The following AHCY variants were observed in gnomAD, a reference collection of about 807,000 sequenced individuals.
AHCY encodes the protein S-adenosyl-L-homocysteine hydrolase.
AHCY carries 24 observed loss-of-function variants against 45.4 expected under a neutral mutation model. That is an observed-to-expected ratio of 0.53 (90% CI 0.38 to 0.74). The LOEUF (loss-of-function observed/expected upper bound fraction) is 0.74. Ranked by LOEUF, AHCY falls within the 30% of genes least tolerant of loss-of-function variation. The pLI is 0.00. For synonymous variants in AHCY, 245 were observed against 235.1 expected, an observed-to-expected ratio of 1.04 and a Z score of -0.39; for missense variants, 449 against 594.1, an observed-to-expected ratio of 0.76 and a Z score of 2.54.
chr20:34,261,139 T>C, the AHCY span, among the ~76,000 whole-genome samples: 1 of 152,354 alleles, frequency 6.6e-6, no homozygotes, highest in East Asian at 1.9e-4. Context: ...CAAAATCAGG[T>C]ACTTAACTCC....
In AHCY at chr20:34,295,555, T is replaced by C. The variant is rs2036551377; in HGVS notation, c.59A>G (p.Lys20Arg). The change falls in exon 2 of 10, where the codon AAG (lysine) becomes AGG (arginine). Residue 20 changes from lysine (K) to arginine (R), a missense_variant. Physicochemically the swap from Lys to Arg is conservative, Grantham distance 26. Coordinates refer to ENST00000217426, the MANE Select transcript of AHCY (RefSeq NM_000687.4). ...ADIGLAAWGR[K>R]ALDIAENEMP... is the part of the protein sequence containing the mutation. ...CTCGTTCTCAGCAATGTCCAGGGCC[T>C]TGCGTCCCCAGGCAGCCAGGCCGAT... 1 of 1,613,980 alleles carries C rather than the reference T, an allele frequency of 6.2e-7. No individual in the cohort carries two copies. Among genetic ancestry groups the C allele is most frequent in the Non-Finnish European group, 8.5e-7 (1 of 1,180,012 alleles).
chr20:34,257,076 T>TTTTTTTGTTTTTTG, the AHCY span, among the ~76,000 whole-genome samples: 37 of 151,228 alleles, frequency 2.4e-4, no homozygotes, highest in Middle Eastern at 3.4e-3. Context: ...TTCTCTTTTT[T>TTTTTTTGTTTTTTG]TTTTTTGTTT....
At chr20:34,303,852 C>T (rs1289734393), upstream of AHCY, among the ~76,000 whole-genome samples, 4 of 152,194 alleles carry the variant, frequency 2.6e-5, no homozygotes, top group South Asian at 2.1e-4. Flanking sequence ...AAAAATTAGC[C>T]GGGCGTGGTG....
Position 34,290,469 on chromosome 20 carries a change from C to A in AHCY, c.855-20G>T. On this transcript the variant is annotated intron_variant, in intron 7 of 9. Transcript: ENST00000217426. This position sits in a 1 kb window ranked among gnomAD's most constrained non-coding sequence, Gnocchi z 4.5. ...AAGTGCCTGTCAGGCAGCCCAAGAC[C>A]GTGGGAGATTGTCAGGGACAGAAAG... 6.2e-7 allele frequency: 1 copy of A among 1,613,902 alleles called. No homozygotes were observed.
chr20:34,302,527 C>G, intron 1 of AHCY: 1 of 828,662 alleles, frequency 1.2e-6, no homozygotes. Context: ...GAACAGTTTC[C>G]CTATAGAGCC....
At chr20:34,269,127 G>A in the AHCY span, 1 of 1,554,978 alleles carries the variant, frequency 6.4e-7, no homozygotes, top group East Asian at 2.4e-5. Context: ...CGCTTCTTCC[G>A]CAGCGCCTGC....
At chr20:34,233,155 T>C in the AHCY span, among the ~76,000 whole-genome samples, 1 of 148,824 alleles carries the variant, frequency 6.7e-6, no homozygotes, top group Non-Finnish European at 1.5e-5. Context: ...TTTTTTTTTT[T>C]TTTTTTTTTT....
At chr20:34,281,653 A>G (rs1375415606) in intron 9 of AHCY, 1 of 212,694 alleles carries the variant, frequency 4.7e-6, no homozygotes, top group East Asian at 1.1e-4. Flanking sequence ...CTAGGTTTCC[A>G]GTGTTTGGAT....
At chr20:34,311,040 C>T (rs1052718474) in intron 1 of AHCY, among the ~76,000 whole-genome samples, 2 of 151,720 alleles carry the variant, frequency 1.3e-5, no homozygotes, top group Admixed American at 6.6e-5. Context: ...GCAGGAGAAT[C>T]GCTTGAGCCC....
At chr20:34,247,598 A>AC in the AHCY span, among the ~76,000 whole-genome samples, 1 of 151,388 alleles carries the variant, frequency 6.6e-6, no homozygotes, top group Admixed American at 6.6e-5. Context: ...TACCCTGCTG[A>AC]TGCTTTTTCT....
intron 8 of AHCY, among the ~76,000 whole-genome samples, chr20:34,286,960 G>A (rs1412665969): frequency 5.3e-5 from 8 of 151,544 alleles, no homozygotes; most frequent in Admixed American, 5.3e-4. Context: ...GTGAGTGAAC[G>A]TGACATGGAA....
chr20:34,271,197 C>T, the AHCY span, among the ~76,000 whole-genome samples: 1 of 152,324 alleles, frequency 6.6e-6, no homozygotes, highest in East Asian at 1.9e-4. Flanking sequence ...CCGCCTCAGC[C>T]TCCCAAAGTG....
the AHCY span, among the ~76,000 whole-genome samples, chr20:34,237,239 G>A: frequency 6.8e-6 from 1 of 146,732 alleles, no homozygotes; most frequent in Non-Finnish European, 1.5e-5. Context: ...ACAAATTTTA[G>A]AATGGGTTTT....
At chr20:34,302,989 G>C (rs2122834118) in intron 1 of AHCY, 2 of 985,468 alleles carry the variant, frequency 2.0e-6, no homozygotes, top group Non-Finnish European at 2.4e-6. Context: ...CCGCCAGTTT[G>C]CGGCTCGCAG....
At chr20:34,247,482 T>C in the AHCY span, among the ~76,000 whole-genome samples, 32 of 151,844 alleles carry the variant, frequency 2.1e-4, no homozygotes, top group East Asian at 6.0e-3. Context: ...TGTATTTTTG[T>C]AGAGACGAGG....
At chr20:34,236,066 GAAAGAA>G in the AHCY span, among the ~76,000 whole-genome samples, 1 of 138,358 alleles carries the variant, frequency 7.2e-6, no homozygotes, top group Non-Finnish European at 1.5e-5. Context: ...AGGAGAGAGA[GAAAGAA>G]AGAGAAAGAG....
chr20:34,277,528 G>T (rs2035918640), downstream of AHCY, among the ~76,000 whole-genome samples: 1 of 151,986 alleles, frequency 6.6e-6, no homozygotes, highest in Non-Finnish European at 1.5e-5. Context: ...AGCACTTTGG[G>T]AGGCCAAAGC....
At chr20:34,271,988 G>A in the AHCY span, among the ~76,000 whole-genome samples, 1 of 152,046 alleles carries the variant, frequency 6.6e-6, no homozygotes, top group Non-Finnish European at 1.5e-5. Context: ...AAAAGGTAGA[G>A]GGTTAGTCTC....
upstream of AHCY, among the ~76,000 whole-genome samples, chr20:34,305,439 G>T (rs1187258630): frequency 6.6e-6 from 1 of 152,188 alleles, no homozygotes; most frequent in Non-Finnish European, 1.5e-5. Context: ...CCGATGTCAA[G>T]CAGAGACTTC....
Sources: gnomAD v4.1 joint callset for allele counts (sites outside exome capture counted in the v4.1 genomes callset) on GRCh38, gnomAD v4.1.1 for gene constraint, Gnocchi (gnomAD v3.1) non-coding constraint, MANE v1.5 for transcripts, NCBI Gene and HGNC (gene_info 2026-07-23, HGNC 2026-07-21) for gene names.